SHTN1: variants seen among roughly 807,000 people sequenced by gnomAD.
SHTN1 encodes the protein shootin-1.
SHTN1 carries 42 observed loss-of-function variants against 83.1 expected under a neutral mutation model. The observed-to-expected ratio is 0.51, with a 90% CI of 0.39 to 0.65. SHTN1 has a LOEUF of 0.65. SHTN1 is among the 30% of genes least tolerant of loss of function. SHTN1 has a pLI of 0.00. For synonymous variants in SHTN1, 224 were observed against 247.7 expected, an observed-to-expected ratio of 0.90 and a Z score of 0.90; for missense variants, 622 against 737.8, an observed-to-expected ratio of 0.84 and a Z score of 1.82.
At chr10:117,049,694 T>G (rs1403619775) in intron 1 of SHTN1, among the ~76,000 whole-genome samples, 1 of 152,166 alleles carries the variant, frequency 6.6e-6, no homozygotes, top group Non-Finnish European at 1.5e-5. Flanking sequence ...GACATCTACG[T>G]TCTAGAAACC....
upstream of SHTN1, chr10:117,005,377 C>A: frequency 1.7e-6 from 2 of 1,191,658 alleles, no homozygotes; most frequent in Non-Finnish European, 2.1e-6. Flanking sequence ...TGGCTGCCGG[C>A]GCGGCAGGAC....
intron 1 of SHTN1, among the ~76,000 whole-genome samples, chr10:117,048,685 T>C (rs1200050749): frequency 1.3e-5 from 2 of 152,236 alleles, no homozygotes; most frequent in East Asian, 3.9e-4. Flanking sequence ...GCTTCTTTGT[T>C]ATAATTCAGG....
intron 1 of SHTN1, among the ~76,000 whole-genome samples, chr10:117,064,569 C>A (rs895575862): frequency 6.6e-6 from 1 of 151,538 alleles, no homozygotes; most frequent in Admixed American, 6.6e-5. Flanking sequence ...GCAGGAGAAT[C>A]GCTTGAACCC....
intron 12 of SHTN1, 95 bp from the exon 13 acceptor site, chr10:116,915,579 A>G (rs1848355781): frequency 4.4e-6 from 3 of 684,756 alleles, no homozygotes; most frequent in Admixed American, 4.9e-5. Context: ...TATGCAATTA[A>G]TCACAGTCAT....
At chr10:116,954,554 G>A (rs187874603) in intron 4 of SHTN1, among the ~76,000 whole-genome samples, 160 of 152,226 alleles carry the variant, frequency 1.1e-3, no homozygotes, top group South Asian at 2.3e-3. Context: ...AATCTTCTGC[G>A]TGCTGTGGTG....
intron 2 of SHTN1, among the ~76,000 whole-genome samples, chr10:117,018,532 T>C (rs1156912770): frequency 1.3e-5 from 2 of 150,518 alleles, no homozygotes; most frequent in African/African-American, 4.9e-5. Context: ...AAGGAAAATA[T>C]TTTTCTCCCC....
At chr10:117,121,578 C>CA (rs534812194) in intron 1 of SHTN1, among the ~76,000 whole-genome samples, 1,539 of 144,282 alleles carry the variant, frequency 0.011, 9 homozygotes, top group Middle Eastern at 0.046. Context: ...GACTCTGACT[C>CA]AAAAAAAAAA....
intron 10 of SHTN1, 108 bp downstream of exon 10, chr10:116,929,741 C>A: frequency 1.6e-6 from 1 of 621,560 alleles, no homozygotes; most frequent in Non-Finnish European, 2.5e-6. Context: ...GGTATTTTTC[C>A]ACAGCATTCA....
intron 2 of SHTN1, among the ~76,000 whole-genome samples, chr10:116,972,424 A>C (rs1204840009): frequency 2.0e-5 from 3 of 152,202 alleles, no homozygotes; most frequent in Non-Finnish European, 4.4e-5. Flanking sequence ...ACTGAGCAAA[A>C]TATGGAGGAT....
At position 116,992,118 on chromosome 10, in the gene SHTN1, G is replaced by GC. The variant is rs1299333777; in HGVS notation, c.59-12811_59-12810insG. On this transcript the variant is annotated intron_variant, in intron 1 of 16. Coordinates refer to ENST00000355371, the MANE Select transcript of SHTN1 (RefSeq NM_001127211.3). The stretch of plus-strand genomic sequence containing the variant: ...GATCATGCCACTGCACTCCAGCCTG[G>GC]GTGACAGAGTGAGATGCTGTCTCAA... Among the ~76,000 whole-genome samples, 8 of 152,140 alleles carry GC rather than the reference G, an allele frequency of 5.3e-5. No homozygotes were observed. The East Asian group carries it at 1.5e-3, about 29-fold the overall frequency.
At chr10:116,985,869 T>C (rs1306793172) in intron 1 of SHTN1, among the ~76,000 whole-genome samples, 1 of 152,190 alleles carries the variant, frequency 6.6e-6, no homozygotes, top group Non-Finnish European at 1.5e-5. Context: ...GGTCGTCCTC[T>C]TATAGCCAGA....
intron 2 of SHTN1, among the ~76,000 whole-genome samples, chr10:117,032,944 G>T (rs989159146): frequency 6.6e-6 from 1 of 151,974 alleles, no homozygotes; most frequent in Admixed American, 6.6e-5. Context: ...ATGACCAGTG[G>T]GTCAATGAAG....
chr10:117,038,017 A>G lies in SHTN1; in HGVS notation c.-123+10428T>C, dbSNP rs887590353. ...AGACTTCAAAAAAAAAAAAAAAAAA[A>G]AAAATCAGTGAACCAGAAAGGATAG... On this transcript the variant is annotated intron_variant, in intron 2 of 17. Coordinates refer to the SHTN1 transcript ENST00000392901. Among the ~76,000 whole-genome samples, 13 of 151,778 alleles carry G rather than the reference A, an allele frequency of 8.6e-5. No individual in the cohort carries two copies. The South Asian group carries it at 2.5e-3, about 29-fold the overall frequency.
chr10:116,928,771 G>A (rs982232846), intron 10 of SHTN1, among the ~76,000 whole-genome samples: 14 of 152,176 alleles, frequency 9.2e-5, no homozygotes, highest in South Asian at 2.1e-4. Context: ...CTTTTTATGT[G>A]CATGCACCTA....
intron 1 of SHTN1, among the ~76,000 whole-genome samples, chr10:116,988,241 A>G (rs568114314): frequency 6.6e-6 from 1 of 151,920 alleles, no homozygotes. Context: ...TATTCTCTGT[A>G]TTTTTGGCTC....
rs2133409935 is a variant in SHTN1, at chr10:116,946,555, TGA to T, written c.617-1539_617-1538del. ...ATGATTTATATATAAATATATAAAA[TGA>T]TTTATATATAAATATATAAAATGAT... On this transcript the variant is annotated intron_variant, in intron 7 of 16. Coordinates refer to ENST00000355371, the MANE Select transcript of SHTN1 (RefSeq NM_001127211.3). Among the ~76,000 whole-genome samples the T allele has an allele frequency of 2.4e-5, 3 of 125,216 alleles. No individual in the cohort carries two copies. In the Admixed American group the frequency reaches 2.7e-4, roughly 11 times the overall value. 82.1% of individuals were successfully genotyped at this position (125,216 alleles called of 152,430 possible). A position where few individuals can be genotyped will look rare whatever the true frequency, so the allele number is the denominator to read the frequency against.
chr10:117,037,361 A>C (rs1279971971), intron 2 of SHTN1, among the ~76,000 whole-genome samples: 3 of 152,188 alleles, frequency 2.0e-5, no homozygotes, highest in Non-Finnish European at 4.4e-5. Flanking sequence ...AAATCTAACA[A>C]AATATGTATG....
At chr10:116,997,232 T>C (rs575502640) in intron 1 of SHTN1, among the ~76,000 whole-genome samples, 17 of 152,370 alleles carry the variant, frequency 1.1e-4, no homozygotes, top group African/African-American at 4.1e-4. Context: ...TCTCCTGCCT[T>C]TGGAAGCCTG....
chr10:117,088,701 C>T (rs766310371), intron 1 of SHTN1, among the ~76,000 whole-genome samples: 14 of 152,204 alleles, frequency 9.2e-5, no homozygotes, highest in Admixed American at 3.9e-4. Flanking sequence ...GCACCTGCAA[C>T]GTATAGGCTG....
Sources: allele counts gnomAD v4.1 joint callset (sites outside exome capture counted in the v4.1 genomes callset), GRCh38; gene constraint gnomAD v4.1.1; transcripts MANE v1.5; gene names NCBI Gene and HGNC (gene_info 2026-07-23, HGNC 2026-07-21).